The following CNTN5 variants were observed in gnomAD, a reference collection of about 807,000 sequenced individuals.
The protein encoded by CNTN5 is contactin-5.
A neutral mutation model predicts 129.1 loss-of-function variants in CNTN5; 77 were observed. The ratio of observed to expected loss-of-function variants is 0.60; its 90% CI spans 0.50 to 0.72. CNTN5 has a LOEUF of 0.72. Ranked by LOEUF, CNTN5 falls within the 30% of genes least tolerant of loss-of-function variation. The pLI is 0.00. For synonymous variants in CNTN5, 509 were observed against 465.6 expected, an observed-to-expected ratio of 1.09 and a Z score of -1.20; for missense variants, 1,478 against 1,328.8, an observed-to-expected ratio of 1.11 and a Z score of -1.75.
chr11:99,727,321 A>AAAAAAAAAAAAAAAAAAAAAAAAAAAG (rs1319837016), intron 3 of CNTN5, among the ~76,000 whole-genome samples: 65 of 123,302 alleles, frequency 5.3e-4, no homozygotes, highest in Non-Finnish European at 9.3e-4. Flanking sequence ...TCAAAAAAAA[A>AAAAAAAAAAAAAAAAAAAAAAAAAAAG]AAAAAAAAAA....
chr11:100,017,475 T>C (rs1428719156), intron 9 of CNTN5, among the ~76,000 whole-genome samples: 1 of 151,988 alleles, frequency 6.6e-6, no homozygotes, highest in Non-Finnish European at 1.5e-5. Flanking sequence ...AAAGTAGTGG[T>C]GTGTCTTACA....
intron 18 of CNTN5, among the ~76,000 whole-genome samples, chr11:100,276,614 G>C (rs567742768): frequency 1.3e-5 from 2 of 149,234 alleles, no homozygotes; most frequent in Non-Finnish European, 3.0e-5. Flanking sequence ...CAATTTCTTA[G>C]TATTAGGATG....
chr11:100,205,198 T>A (rs181771331), intron 15 of CNTN5, among the ~76,000 whole-genome samples: 1 of 152,084 alleles, frequency 6.6e-6, no homozygotes, highest in Non-Finnish European at 1.5e-5. Context: ...TTCTAAGACA[T>A]CTTTAAAATT....
At chr11:99,259,964 T>G (rs1862553536) in intron 1 of CNTN5, among the ~76,000 whole-genome samples, 1 of 151,766 alleles carries the variant, frequency 6.6e-6, no homozygotes, top group Admixed American at 6.6e-5. Flanking sequence ...TTTCACTTTT[T>G]TAATTTTCCT....
At chr11:99,629,679 CTA>C (rs67359174) in intron 3 of CNTN5, among the ~76,000 whole-genome samples, 92,352 of 151,082 alleles carry the variant, frequency 0.61, 29,080 homozygotes, top group Admixed American at 0.74. Context: ...TTAATTCTTA[CTA>C]CTCGATGTTT....
At chr11:99,671,365 A>G (rs567746008) in intron 3 of CNTN5, among the ~76,000 whole-genome samples, 2 of 152,286 alleles carry the variant, frequency 1.3e-5, no homozygotes, top group East Asian at 1.9e-4. Flanking sequence ...TTAATAGCAG[A>G]TGTTTAACTT....
intron 13 of CNTN5, among the ~76,000 whole-genome samples, chr11:100,131,691 T>C (rs561085211): frequency 7.9e-5 from 12 of 152,028 alleles, no homozygotes; most frequent in African/African-American, 2.9e-4. Flanking sequence ...AAAAGGCATG[T>C]CTGAAAATAA....
In CNTN5 at chr11:99,531,050, A is replaced by C. The variant is rs145281777; in HGVS notation, c.-70-25095A>C. Among the ~76,000 whole-genome samples the C allele has an allele frequency of 1.4e-3, 214 of 152,330 alleles. 1 individual carries two copies. Among genetic ancestry groups the C allele is most frequent in the African/African-American group, 5.0e-3 (208 of 41,586 alleles). Reference sequence around the variant, plus strand: ...GAGGCTGGAACAGTTTGGAAGGCTCAGAAGAAGACAGGAAAATGTGGAAGA... The same window carrying C: ...GAGGCTGGAACAGTTTGGAAGGCTCCGAAGAAGACAGGAAAATGTGGAAGA... On this transcript the variant is annotated intron_variant, in intron 2 of 24. Transcript: ENST00000524871.
chr11:99,461,327 T>G (rs1944689236), intron 2 of CNTN5, among the ~76,000 whole-genome samples: 1 of 152,098 alleles, frequency 6.6e-6, no homozygotes, highest in South Asian at 2.1e-4. Flanking sequence ...AGGTAAGAAC[T>G]GCCGTAGGTT....
intron 8 of CNTN5, among the ~76,000 whole-genome samples, chr11:99,993,668 G>T (rs1939267622): frequency 6.6e-6 from 1 of 152,066 alleles, no homozygotes; most frequent in Admixed American, 6.5e-5. Context: ...TCACTTACCG[G>T]CCTCTCACTT....
chr11:99,337,810 C>CT (rs909558738), intron 2 of CNTN5, among the ~76,000 whole-genome samples: 2 of 151,932 alleles, frequency 1.3e-5, no homozygotes, highest in African/African-American at 2.4e-5. Flanking sequence ...TATAAGAAGT[C>CT]TTTTTTTGGA....
chr11:99,753,205 C>T (rs1020914488), intron 3 of CNTN5, among the ~76,000 whole-genome samples: 3 of 137,804 alleles, frequency 2.2e-5, no homozygotes, highest in Non-Finnish European at 4.5e-5. Flanking sequence ...TCACTGCAAG[C>T]GCTGCCTTCC....
chr11:99,579,017 A>C (rs951095352), intron 3 of CNTN5, among the ~76,000 whole-genome samples: 18 of 151,896 alleles, frequency 1.2e-4, no homozygotes, highest in African/African-American at 4.3e-4. Context: ...ATAAGGTGTA[A>C]GGAAGGGATC....
intron 9 of CNTN5, among the ~76,000 whole-genome samples, chr11:100,017,966 G>A (rs1212050211): frequency 1.3e-5 from 2 of 151,914 alleles, no homozygotes; most frequent in African/African-American, 4.8e-5. Context: ...TAGACCATTT[G>A]GTTATTGTTT....
intron 1 of CNTN5, among the ~76,000 whole-genome samples, chr11:99,279,089 G>C (rs1051389418): frequency 2.0e-5 from 3 of 151,744 alleles, no homozygotes; most frequent in Non-Finnish European, 4.4e-5. Context: ...CTCTATCCTT[G>C]CCACTCTAAC....
At chr11:100,153,157 ACT>A (rs548191546) in intron 13 of CNTN5, among the ~76,000 whole-genome samples, 208 of 152,030 alleles carry the variant, frequency 1.4e-3, no homozygotes, top group African/African-American at 4.9e-3. Context: ...AAATAATCAA[ACT>A]CTAATCAGCA....
chr11:99,590,649 A>C (rs984231530), intron 3 of CNTN5, among the ~76,000 whole-genome samples: 3 of 152,272 alleles, frequency 2.0e-5, no homozygotes, highest in African/African-American at 7.2e-5. Context: ...AGAACATTCC[A>C]GACAAAGGGA....
At chr11:99,133,221 G>T (rs1461280328) in intron 1 of CNTN5, among the ~76,000 whole-genome samples, 8 of 152,070 alleles carry the variant, frequency 5.3e-5, no homozygotes, top group Admixed American at 5.2e-4. Flanking sequence ...AATTGAAACT[G>T]GGTTTCTTCC....
chr11:99,965,369 T>C (rs1371416395), intron 8 of CNTN5, among the ~76,000 whole-genome samples: 1 of 152,160 alleles, frequency 6.6e-6, no homozygotes, highest in African/African-American at 2.4e-5. Context: ...GTCTTTGTTC[T>C]CGTTGGTTTC....
Sources: allele counts gnomAD v4.1 joint callset (sites outside exome capture counted in the v4.1 genomes callset), GRCh38; gene constraint gnomAD v4.1.1; transcripts MANE v1.5; gene names NCBI Gene and HGNC (gene_info 2026-07-23, HGNC 2026-07-21).